FAF1: variants seen among roughly 807,000 people sequenced by gnomAD.
FAF1 encodes the protein FAS-associated factor 1.
FAF1 carries 25 observed loss-of-function variants against 92.5 expected under a neutral mutation model. The ratio of observed to expected loss-of-function variants is 0.27; its 90% CI spans 0.20 to 0.38. The LOEUF (loss-of-function observed/expected upper bound fraction) is 0.38. Ranked by LOEUF, FAF1 falls within the 10% of genes least tolerant of loss-of-function variation. The pLI is 1.00. For missense variants in FAF1, 636 were observed against 793.3 expected, an observed-to-expected ratio of 0.80 and a Z score of 2.38; for synonymous variants, 234 against 273.2, an observed-to-expected ratio of 0.86 and a Z score of 1.42.
intron 7 of FAF1, among the ~76,000 whole-genome samples, chr1:50,677,758 G>A (rs1201640470): frequency 6.6e-6 from 1 of 151,872 alleles, no homozygotes; most frequent in African/African-American, 2.4e-5. Flanking sequence ...GCTGGGCATG[G>A]TGGGCGCATG....
intron 3 of FAF1, among the ~76,000 whole-genome samples, chr1:50,788,941 T>G (rs1380292954): frequency 2.6e-5 from 4 of 152,068 alleles, no homozygotes; most frequent in Non-Finnish European, 5.9e-5. Flanking sequence ...CAGCAATCAA[T>G]CCACCCCAGC....
intron 15 of FAF1, among the ~76,000 whole-genome samples, chr1:50,500,884 A>G (rs1291218054): frequency 2.0e-5 from 3 of 152,194 alleles, no homozygotes. Context: ...AGTAGACTTA[A>G]GAGTTATAAA....
At chr1:50,888,688 C>T (rs1474833242) in intron 1 of FAF1, among the ~76,000 whole-genome samples, 5 of 152,270 alleles carry the variant, frequency 3.3e-5, no homozygotes, top group Admixed American at 1.3e-4. Context: ...GTATGTCGAA[C>T]GAGCCTTGCA....
chr1:50,551,845 G>C (rs1649322930), intron 13 of FAF1, among the ~76,000 whole-genome samples: 1 of 152,142 alleles, frequency 6.6e-6, no homozygotes, highest in Non-Finnish European at 1.5e-5. Context: ...AGCTGGCTTT[G>C]TCCTGTTAAC....
intron 8 of FAF1, among the ~76,000 whole-genome samples, chr1:50,653,919 C>T (rs533766963): frequency 2.6e-5 from 4 of 152,262 alleles, no homozygotes; most frequent in Middle Eastern, 6.8e-3. Flanking sequence ...CCACCGGCTT[C>T]GGCCTCCCAA....
chr1:50,940,072 G>GCCCA (rs1645119190), intron 1 of FAF1, among the ~76,000 whole-genome samples: 1 of 151,892 alleles, frequency 6.6e-6, no homozygotes, highest in Non-Finnish European at 1.5e-5. Context: ...CACCACATCT[G>GCCCA]GCTAATTTTT....
chr1:50,762,014 C>G (rs1006322545), intron 4 of FAF1, among the ~76,000 whole-genome samples: 2 of 152,052 alleles, frequency 1.3e-5, no homozygotes, highest in Non-Finnish European at 2.9e-5. Flanking sequence ...AATCAATGTA[C>G]AAAAATCACA....
At chr1:50,703,763 A>C (rs1657566031) in intron 7 of FAF1, among the ~76,000 whole-genome samples, 1 of 152,202 alleles carries the variant, frequency 6.6e-6, no homozygotes, top group South Asian at 2.1e-4. Context: ...GATAATCTAC[A>C]TAGCAGGCCA....
chr1:50,629,339 G>A (rs981285612), intron 8 of FAF1, among the ~76,000 whole-genome samples: 4 of 151,990 alleles, frequency 2.6e-5, no homozygotes, highest in Non-Finnish European at 4.4e-5. Flanking sequence ...CCAGCTAAGT[G>A]TTGTATTTTA....
intron 8 of FAF1, among the ~76,000 whole-genome samples, chr1:50,611,705 T>C (rs769603103): frequency 4.6e-5 from 7 of 152,182 alleles, no homozygotes; most frequent in Non-Finnish European, 1.0e-4. Context: ...AATGCTAATG[T>C]TCACTAGGAA....
chr1:50,459,663 A>G (rs1040805020), intron 18 of FAF1, among the ~76,000 whole-genome samples: 4 of 152,176 alleles, frequency 2.6e-5, no homozygotes. Context: ...TTGCCATCTT[A>G]GTACTGTCTC....
chr1:50,490,462 A>AGGAAGGAAAAAG, intron 17 of FAF1, 126 bp downstream of exon 17: 1 of 568,268 alleles, frequency 1.8e-6, no homozygotes, highest in Non-Finnish European at 3.1e-6. Context: ...GAAGGAAGGA[A>AGGAAGGAAAAAG]AAAGAAAGAA....
chr1:50,619,410 C>A (rs1003114406), intron 8 of FAF1, among the ~76,000 whole-genome samples: 1 of 152,168 alleles, frequency 6.6e-6, no homozygotes, highest in Non-Finnish European at 1.5e-5. Flanking sequence ...CCAGAAGGAC[C>A]TCTTATAAGG....
intron 1 of FAF1, among the ~76,000 whole-genome samples, chr1:50,949,548 A>G (rs1471344408): frequency 6.6e-6 from 1 of 152,206 alleles, no homozygotes; most frequent in African/African-American, 2.4e-5. Flanking sequence ...AACTCTCCTA[A>G]AAGGAGCAGG....
At chr1:50,850,383 G>C (rs1176170856) in intron 2 of FAF1, among the ~76,000 whole-genome samples, 1 of 152,122 alleles carries the variant, frequency 6.6e-6, no homozygotes, top group Admixed American at 6.5e-5. Context: ...GGCCTTTAAA[G>C]AACAATTCCA....
chr1:50,628,559 T>C (rs533078585), intron 8 of FAF1, among the ~76,000 whole-genome samples: 61 of 152,340 alleles, frequency 4.0e-4, no homozygotes, highest in African/African-American at 1.1e-3. Flanking sequence ...CTAACAGTTT[T>C]AGAGATGAAA....
intron 2 of FAF1, among the ~76,000 whole-genome samples, chr1:50,837,058 C>T (rs976423709): frequency 2.9e-4 from 42 of 147,052 alleles, no homozygotes; most frequent in Non-Finnish European, 4.3e-4. Context: ...CCCAGGTTCA[C>T]GCCATTCTCC....
chr1:50,596,272 G>A (rs1477459443), intron 8 of FAF1, 56 bp from the exon 9 acceptor site: 3 of 1,301,170 alleles, frequency 2.3e-6, no homozygotes, highest in East Asian at 2.3e-5. Context: ...TTTCACAAAA[G>A]GATTTGACTT....
intron 1 of FAF1, among the ~76,000 whole-genome samples, chr1:50,893,228 T>A (rs999983957): frequency 2.0e-5 from 3 of 152,220 alleles, no homozygotes; most frequent in African/African-American, 7.2e-5. Flanking sequence ...TTTTCCTGGA[T>A]AATCTTGATG....
Sources: gnomAD v4.1 joint callset for allele counts (sites outside exome capture counted in the v4.1 genomes callset) on GRCh38, gnomAD v4.1.1 for gene constraint, MANE v1.5 for transcripts, NCBI Gene and HGNC (gene_info 2026-07-23, HGNC 2026-07-21) for gene names.